The following PDXK variants were observed in gnomAD, a reference collection of about 807,000 sequenced individuals.
PDXK encodes the protein epididymis secretory sperm binding protein Li 1a.
A neutral mutation model predicts 43.2 loss-of-function variants in PDXK; 15 were observed. The ratio of observed to expected loss-of-function variants is 0.35; its 90% CI spans 0.23 to 0.53. PDXK has a LOEUF of 0.53. Among genes scored for constraint, PDXK ranks in the 20% least tolerant of loss-of-function variants. The pLI, the probability that PDXK is intolerant of heterozygous loss-of-function variation, is 0.92. For synonymous variants in PDXK, 172 were observed against 165.4 expected (o/e 1.04, Z -0.31); for missense variants, 343 against 417.0 (o/e 0.82, Z 1.54).
intron 1 of PDXK, 107 bp from the exon 2 acceptor site, chr21:43,733,962 C>A: frequency 8.8e-7 from 1 of 1,140,218 alleles, no homozygotes; most frequent in Non-Finnish European, 1.3e-6. Flanking sequence ...GGGCCCCGTG[C>A]CAGCCGGGAC....
rs564380446 is a variant in PDXK, at chr21:43,754,618, G to A, written c.759+899G>A. ...AACTCCCCTGGGTACTTCCCACTGC[G>A]TCCGCAGTGGGTTCAGGTGGGAGGG... On this transcript the variant is annotated intron_variant, in intron 9 of 10. Coordinates refer to ENST00000291565, the MANE Select transcript of PDXK (RefSeq NM_003681.5). This position sits in a 1 kb window ranked among gnomAD's most constrained non-coding sequence, Gnocchi z 5.5. 3.3e-5 allele frequency among the ~76,000 whole-genome samples: 5 copies of A among 152,264 alleles called. No individual in the cohort carries two copies. Among genetic ancestry groups the A allele is most frequent in the South Asian group, 2.1e-4 (1 of 4,826 alleles).
At chr21:43,748,921 GCTTCC>G in intron 5 of PDXK, 69 bp from the exon 6 acceptor site, 2 of 887,114 alleles carry the variant, frequency 2.3e-6, no homozygotes, top group Non-Finnish European at 3.7e-6. Flanking sequence ...TCCGTGGTGG[GCTTCC>G]CTCCGCGCCC....
chr21:43,743,887 C>T (rs1769859336), intron 4 of PDXK, 80 bp downstream of exon 4: 2 of 906,990 alleles, frequency 2.2e-6, no homozygotes, highest in Admixed American at 2.0e-5. Context: ...GAAGGGACGT[C>T]TTAGCCTCCT....
At chr21:43,750,964 G>C (rs11701466) in intron 7 of PDXK, among the ~76,000 whole-genome samples, 1 of 24,990 alleles carries the variant, frequency 4.0e-5, no homozygotes, top group African/African-American at 3.0e-4. Context: ...GTGTGTGCAT[G>C]TGTGTGTGTG....
At chr21:43,721,282 A>G (rs767194778) in intron 1 of PDXK, among the ~76,000 whole-genome samples, 30 of 152,218 alleles carry the variant, frequency 2.0e-4, no homozygotes, top group Non-Finnish European at 2.5e-4. Context: ...TTCCAAGGGG[A>G]CGTGTCCCCA....
intron 1 of PDXK, chr21:43,728,729 A>C (rs982510662): frequency 3.0e-6 from 3 of 985,440 alleles, no homozygotes; most frequent in Non-Finnish European, 3.6e-6. Flanking sequence ...CCACCGGCCG[A>C]GGGAGGAGGA....
At chr21:43,731,657 G>T (rs533187753) in intron 1 of PDXK, among the ~76,000 whole-genome samples, 1 of 148,810 alleles carries the variant, frequency 6.7e-6, no homozygotes, top group East Asian at 1.9e-4. Context: ...GGAGGTGAGT[G>T]TTGTGGAGAG....
At position 43,758,150 on chromosome 21, in the gene PDXK, C is replaced by A. The variant is rs571276950; in HGVS notation, c.*2087C>A. On this transcript the variant is annotated 3_prime_UTR_variant, in exon 11 of 11. Transcript: ENST00000291565. Reference sequence around the variant, plus strand: ...GGGTGTTACGGGCGGTGTGCCCTGGCGAGCAAGCTTTGATTCTTGGTTCTT... The same window carrying A: ...GGGTGTTACGGGCGGTGTGCCCTGGAGAGCAAGCTTTGATTCTTGGTTCTT... The A allele has an allele frequency of 6.5e-6, 1 of 153,718 alleles. No individual in the cohort carries two copies. Among genetic ancestry groups the A allele is most frequent in the African/African-American group, 2.4e-5 (1 of 41,414 alleles). 9.5% of individuals were successfully genotyped at this position (153,718 alleles called of 1,614,324 possible).
At chr21:43,750,740 TGTGTGTGTGC>T (rs1388921943) in intron 7 of PDXK, among the ~76,000 whole-genome samples, 195 bp downstream of exon 7, 1 of 151,190 alleles carries the variant, frequency 6.6e-6, no homozygotes, top group Non-Finnish European at 1.5e-5. Context: ...TGCATGTGTG[TGTGTGTGTGC>T]ATGTGTGCGT....
chr21:43,720,115 G>T (rs1483263197), intron 1 of PDXK, among the ~76,000 whole-genome samples: 1 of 152,248 alleles, frequency 6.6e-6, no homozygotes, highest in Non-Finnish European at 1.5e-5. Context: ...CCTCCTGGTT[G>T]CAGCTAAGTG....
At chr21:43,740,239 C>T (rs1481131536) in intron 2 of PDXK, among the ~76,000 whole-genome samples, 2 of 152,110 alleles carry the variant, frequency 1.3e-5, no homozygotes, top group Non-Finnish European at 2.9e-5. Context: ...CCAAAGGCGT[C>T]CCTTCCAGCG....
chr21:43,749,855 C>T (rs1446071170), intron 6 of PDXK, among the ~76,000 whole-genome samples: 1 of 152,190 alleles, frequency 6.6e-6, no homozygotes, highest in African/African-American at 2.4e-5. Context: ...TGTCTGATAC[C>T]GAGTTTGAAA....
chr21:43,733,387 G>A lies in PDXK; in HGVS notation c.88-682G>A, dbSNP rs551211971. On this transcript the variant is annotated intron_variant, in intron 1 of 10. Transcript: ENST00000291565. ...CTGTTCAGATGCAGCAGGGAGAGAGGGTTTGGGGCATTGCTGGTGCACGGG... is the reference window on the plus strand; with the variant it reads ...CTGTTCAGATGCAGCAGGGAGAGAGAGTTTGGGGCATTGCTGGTGCACGGG... 3.3e-5 allele frequency among the ~76,000 whole-genome samples: 5 copies of A among 152,164 alleles called. No individual in the cohort carries two copies. The South Asian group carries it at 1.0e-3, about 32-fold the overall frequency.
intron 7 of PDXK, among the ~76,000 whole-genome samples, chr21:43,751,671 G>A (rs1056009468): frequency 6.6e-6 from 1 of 152,198 alleles, no homozygotes; most frequent in Non-Finnish European, 1.5e-5. Context: ...TTTGCTACCC[G>A]GACTGCACCT....
rs7527 is a variant in PDXK, at chr21:43,756,077, T to G, written c.*14T>G. On this transcript the variant is annotated 3_prime_UTR_variant, in exon 11 of 11. Transcript: ENST00000291565. ...ACGGTGCTGTGAGGGCCCCGCCGCT[T>G]GCCCGTGACACGCAGCGCGTTGGTG... The G allele has an allele frequency of 3.3e-6, 5 of 1,509,166 alleles. 1 individual carries two copies. The South Asian group carries it at 4.6e-5, about 14-fold the overall frequency. 93.5% of individuals were successfully genotyped at this position (1,509,166 alleles called of 1,614,324 possible).
intron 7 of PDXK, among the ~76,000 whole-genome samples, chr21:43,751,107 C>T (rs981256023): frequency 1.3e-5 from 2 of 152,334 alleles, no homozygotes; most frequent in East Asian, 1.9e-4. Context: ...GGAGCAGATG[C>T]AGCAGCCCAA....
chr21:43,749,918 G>A (rs1358815114), intron 6 of PDXK, among the ~76,000 whole-genome samples: 1 of 152,208 alleles, frequency 6.6e-6, no homozygotes, highest in Non-Finnish European at 1.5e-5. Flanking sequence ...ACACACCAGG[G>A]GAAGCCACCA....
intron 5 of PDXK, 62 bp from the exon 6 acceptor site, chr21:43,748,933 G>GC: frequency 1.5e-5 from 15 of 1,021,272 alleles, no homozygotes; most frequent in Non-Finnish European, 2.3e-5. Context: ...TTCCCTCCGC[G>GC]CCCCCTGGCG....
Position 43,737,021 on chromosome 21 carries a change from C to T in PDXK, c.142+2898C>T, listed in dbSNP as rs1359177774. The stretch of plus-strand genomic sequence containing the variant: ...GCAACCAGCTCACTGCAGCCTTGAC[C>T]TCCTGGGCTGAAGCAATCTTTCTGC... On this transcript the variant is annotated intron_variant, in intron 2 of 10. Coordinates refer to ENST00000291565, the MANE Select transcript of PDXK (RefSeq NM_003681.5). This position sits in a 1 kb window ranked among gnomAD's most constrained non-coding sequence, Gnocchi z 4.8. 3 of 710,512 alleles carry T rather than the reference C, an allele frequency of 4.2e-6. No individual in the cohort carries two copies. Among genetic ancestry groups the T allele is most frequent in the Non-Finnish European group, 7.6e-6 (3 of 392,356 alleles). 44.0% of individuals were successfully genotyped at this position (710,512 alleles called of 1,614,324 possible). A position where few individuals can be genotyped will look rare whatever the true frequency, so the allele number is the denominator to read the frequency against.
Sources: allele counts gnomAD v4.1 joint callset (sites outside exome capture counted in the v4.1 genomes callset), GRCh38; gene constraint gnomAD v4.1.1; non-coding constraint Gnocchi (gnomAD v3.1); transcripts MANE v1.5; gene names NCBI Gene and HGNC (gene_info 2026-07-23, HGNC 2026-07-21).